NEGR1: variants seen among roughly 807,000 people sequenced by gnomAD.
NEGR1 encodes IgLON family member 4.
Under a neutral mutation model 40.9 loss-of-function variants are expected in NEGR1, and 10 were observed. The ratio of observed to expected loss-of-function variants is 0.24; its 90% CI spans 0.15 to 0.42. The LOEUF (loss-of-function observed/expected upper bound fraction) is 0.42, where lower values mean the gene tolerates loss of function less well. NEGR1 is among the 10% of genes least tolerant of loss of function. The probability of loss-of-function intolerance (pLI) is 1.00; values close to 1 mark genes in which losing one functional copy is unlikely to be tolerated. For synonymous variants in NEGR1, 185 were observed against 166.8 expected, an observed-to-expected ratio of 1.11 and a Z score of -0.84; for missense variants, 352 against 438.9, an observed-to-expected ratio of 0.80 and a Z score of 1.77.
intron 1 of NEGR1, among the ~76,000 whole-genome samples, chr1:71,997,254 C>T (rs1438173390): frequency 6.6e-6 from 1 of 151,934 alleles, no homozygotes; most frequent in African/African-American, 2.4e-5. Flanking sequence ...GATACTATTC[C>T]AGGCTTTCCA....
At chr1:71,934,643 G>A (rs1186668912) in intron 2 of NEGR1, among the ~76,000 whole-genome samples, 1 of 152,012 alleles carries the variant, frequency 6.6e-6, no homozygotes, top group Non-Finnish European at 1.5e-5. Context: ...TGTCAATCAT[G>A]GGCTCCCAAA....
At chr1:72,037,963 T>C (rs200320965) in intron 1 of NEGR1, among the ~76,000 whole-genome samples, 3 of 152,000 alleles carry the variant, frequency 2.0e-5, no homozygotes, top group East Asian at 3.9e-4. Context: ...TTTACACTCA[T>C]AAAAGAGCTA....
chr1:72,004,072 TG>T (rs1646581259), intron 1 of NEGR1, among the ~76,000 whole-genome samples: 1 of 151,992 alleles, frequency 6.6e-6, no homozygotes, highest in African/African-American at 2.4e-5. Context: ...GTGGAGAGAA[TG>T]GGGGCAATTG....
chr1:71,503,321 C>A (rs1337147036), intron 6 of NEGR1, among the ~76,000 whole-genome samples: 1 of 152,044 alleles, frequency 6.6e-6, no homozygotes. Flanking sequence ...GGAATTAGCA[C>A]CCCCATGTTA....
At chr1:72,259,186 A>G (rs1006493806) in intron 1 of NEGR1, among the ~76,000 whole-genome samples, 1 of 152,146 alleles carries the variant, frequency 6.6e-6, no homozygotes, top group African/African-American at 2.4e-5. Context: ...CCAAGTATAT[A>G]GTATCAATAT....
intron 1 of NEGR1, among the ~76,000 whole-genome samples, chr1:72,185,028 C>T (rs1652560086): frequency 6.6e-6 from 1 of 151,728 alleles, no homozygotes; most frequent in African/African-American, 2.4e-5. Flanking sequence ...TTTTTAAAGC[C>T]AGGATAAACA....
chr1:72,274,624 G>A (rs1655974172), intron 1 of NEGR1: 1 of 810,448 alleles, frequency 1.2e-6, no homozygotes, highest in Non-Finnish European at 2.2e-6. Context: ...TGGCCTTGGA[G>A]AACTGCCCCA....
rs115684281 is a variant in NEGR1, at chr1:71,739,150, G to A, written c.535+37022C>T. 2.9e-3 allele frequency among the ~76,000 whole-genome samples: 431 copies of A among 148,660 alleles called. 1 individual carries two copies. The highest frequency in any genetic ancestry group is 0.01 in the African/African-American group (413 of 39,878). ...AAAGGCAGACCCATCCTTAATCTGG[G>A]TGGATACCATCTAATCAGCTGCCTG... On this transcript the variant is annotated intron_variant, in intron 3 of 6. Coordinates refer to ENST00000357731, the MANE Select transcript of NEGR1 (RefSeq NM_173808.3).
At chr1:71,949,716 C>T (rs961598242) in intron 1 of NEGR1, among the ~76,000 whole-genome samples, 1 of 152,054 alleles carries the variant, frequency 6.6e-6, no homozygotes, top group African/African-American at 2.4e-5. Flanking sequence ...TGGATTTCCT[C>T]TATGGTTCAA....
intron 1 of NEGR1, among the ~76,000 whole-genome samples, chr1:71,978,245 T>C (rs895028902): frequency 6.6e-6 from 1 of 152,156 alleles, no homozygotes; most frequent in Non-Finnish European, 1.5e-5. Flanking sequence ...ATCATCTTGT[T>C]TAAATATGAA....
chr1:72,165,592 T>C (rs1444835223), intron 1 of NEGR1, among the ~76,000 whole-genome samples: 1 of 152,026 alleles, frequency 6.6e-6, no homozygotes, highest in Non-Finnish European at 1.5e-5. Flanking sequence ...TTTCTTCCAT[T>C]GCCATACTCT....
intron 2 of NEGR1, among the ~76,000 whole-genome samples, chr1:71,790,812 T>C (rs1347411335): frequency 6.6e-6 from 1 of 152,058 alleles, no homozygotes; most frequent in Non-Finnish European, 1.5e-5. Flanking sequence ...ATTCTTTGAG[T>C]ATTTGCTGCA....
chr1:71,576,931 C>T (rs1402939479), intron 6 of NEGR1, among the ~76,000 whole-genome samples: 2 of 152,162 alleles, frequency 1.3e-5, no homozygotes, highest in Admixed American at 6.6e-5. Flanking sequence ...ATAGAAGGGG[C>T]TATGTCCTTG....
chr1:72,010,371 G>T (rs1646645536), intron 1 of NEGR1, among the ~76,000 whole-genome samples: 1 of 152,034 alleles, frequency 6.6e-6, no homozygotes, highest in Non-Finnish European at 1.5e-5. Flanking sequence ...AGGAAAGAGA[G>T]AACAAATGGT....
intron 6 of NEGR1, among the ~76,000 whole-genome samples, chr1:71,587,358 C>T (rs1456827222): frequency 1.3e-5 from 2 of 152,130 alleles, no homozygotes; most frequent in East Asian, 1.9e-4. Context: ...CCAGTAGACT[C>T]TTCCATTTCC....
rs544215544 is a variant in NEGR1, at chr1:71,507,081, A to T, written c.940+85736T>A. Among the ~76,000 whole-genome samples the T allele has an allele frequency of 1.8e-4, 28 of 152,364 alleles. No individual in the cohort carries two copies. The South Asian group carries it at 5.6e-3, about 30-fold the overall frequency. ...AGAATTCATACATGGAGAACTGGTC[A>T]AACAGGTCTTAAAAAGTCTCCTGCT... is the stretch of plus-strand genomic sequence containing the variant. On this transcript the variant is annotated intron_variant, in intron 6 of 6. Transcript: ENST00000357731.
At chr1:72,064,772 G>T (rs1394608925) in intron 1 of NEGR1, among the ~76,000 whole-genome samples, 1 of 151,924 alleles carries the variant, frequency 6.6e-6, no homozygotes, top group Non-Finnish European at 1.5e-5. Context: ...TTTCAGCATG[G>T]CAAAGTGTTT....
intron 1 of NEGR1, among the ~76,000 whole-genome samples, chr1:72,062,953 T>G (rs1288052132): frequency 6.6e-6 from 1 of 151,902 alleles, no homozygotes; most frequent in East Asian, 1.9e-4. Context: ...ATAAATTGAG[T>G]GAATCTTCAT....
At chr1:72,023,687 T>C (rs1270128570) in intron 1 of NEGR1, among the ~76,000 whole-genome samples, 3 of 134,658 alleles carry the variant, frequency 2.2e-5, no homozygotes, top group Non-Finnish European at 5.0e-5. Flanking sequence ...AGAACAATAA[T>C]TACTGAAATA....
Sources: gnomAD v4.1 joint callset for allele counts (sites outside exome capture counted in the v4.1 genomes callset) on GRCh38, gnomAD v4.1.1 for gene constraint, MANE v1.5 for transcripts, NCBI Gene and HGNC (gene_info 2026-07-23, HGNC 2026-07-21) for gene names.